Variants in EML1 observed in about 807,000 individuals in gnomAD.
EML1 encodes echinoderm microtubule-associated protein-like 1.
In EML1, 27 loss-of-function variants were observed where a neutral mutation model predicts 110.4. The ratio of observed to expected loss-of-function variants is 0.24; its 90% confidence interval spans 0.18 to 0.34. EML1 has a LOEUF of 0.34. EML1 is among the 10% of genes least tolerant of loss of function. EML1 has a pLI of 1.00. For synonymous variants in EML1, 344 were observed against 385.8 expected, an observed-to-expected ratio of 0.89 and a Z score of 1.27; for missense variants, 741 against 1,030.9, an observed-to-expected ratio of 0.72 and a Z score of 3.85.
chr14:99,931,228 A>C (rs2060361481), intron 17 of EML1, among the ~76,000 whole-genome samples: 1 of 152,226 alleles, frequency 6.6e-6, no homozygotes, highest in African/African-American at 2.4e-5. Context: ...CTACACCTGC[A>C]GACCATCTTC....
chr14:99,910,272 G>T lies in EML1; in HGVS notation c.1270G>T (p.Val424Leu). 1 of 1,613,136 alleles carries T rather than the reference G, an allele frequency of 6.2e-7. No individual in the cohort carries two copies. Among genetic ancestry groups the T allele is most frequent in the Non-Finnish European group, 8.5e-7 (1 of 1,179,628 alleles). Residue 424 changes from valine to leucine, a missense_variant, in exon 12 of 22, where the codon GTG (valine) becomes TTG (leucine). Val to Leu is a conservative substitution (Grantham distance 32). This residue lies in a region of EML1 where 388 missense variants were observed against 605.6 expected (regional missense o/e 0.64). Coordinates refer to ENST00000262233, the MANE Select transcript of EML1 (RefSeq NM_004434.3). ...AGAAAAGCCAAAGTTTGTCCTCTGT[G>T]TGACTTTCTCTGAAAACGGTGACAC... ...KQEKPKFVLC[V>L]TFSENGDTIT...
intron 1 of EML1, among the ~76,000 whole-genome samples, chr14:99,831,617 C>G (rs1014372866): frequency 2.6e-5 from 4 of 151,994 alleles, no homozygotes; most frequent in African/African-American, 9.7e-5. Context: ...ACTATTTTCT[C>G]TTTTTTTAAA....
intron 6 of EML1, among the ~76,000 whole-genome samples, chr14:99,895,398 C>T (rs919458749): frequency 2.0e-5 from 3 of 152,224 alleles, no homozygotes; most frequent in African/African-American, 7.2e-5. Flanking sequence ...CAGGAGCTAT[C>T]ATATACTTAG....
chr14:99,878,731 G>A, intron 4 of EML1, 112 bp downstream of exon 4: 1 of 1,440,906 alleles, frequency 6.9e-7, no homozygotes, highest in South Asian at 1.4e-5. Flanking sequence ...AGTACTCTTG[G>A]AGAAGAAGAC....
intron 1 of EML1, among the ~76,000 whole-genome samples, chr14:99,834,906 A>C (rs2058514562): frequency 6.6e-6 from 1 of 152,048 alleles, no homozygotes; most frequent in Non-Finnish European, 1.5e-5. Flanking sequence ...TGCAACCTCT[A>C]TCTCCCGGCT....
chr14:99,824,805 C>CT (rs2058325506), intron 1 of EML1, among the ~76,000 whole-genome samples: 1 of 152,104 alleles, frequency 6.6e-6, no homozygotes, highest in Non-Finnish European at 1.5e-5. Context: ...CCTCCAGTGT[C>CT]TATTATTCCA....
At chr14:99,892,407 T>C (rs1166756790) in intron 5 of EML1, among the ~76,000 whole-genome samples, 1 of 152,224 alleles carries the variant, frequency 6.6e-6, no homozygotes, top group African/African-American at 2.4e-5. Flanking sequence ...CCAATTGGTA[T>C]TGGCTGACTG....
At chr14:99,895,889 T>C (rs2059664013) in intron 6 of EML1, among the ~76,000 whole-genome samples, 1 of 151,824 alleles carries the variant, frequency 6.6e-6, no homozygotes, top group Non-Finnish European at 1.5e-5. Flanking sequence ...GTCTCAAAAA[T>C]ACATATATTC....
intron 16 of EML1, among the ~76,000 whole-genome samples, chr14:99,919,232 TCCCA>T (rs1595481387): frequency 6.6e-6 from 1 of 152,088 alleles, no homozygotes; most frequent in East Asian, 1.9e-4. Context: ...ATATTTTTCC[TCCCA>T]CCCTTCCTCT....
chr14:99,847,634 A>G (rs2058727938), intron 1 of EML1, among the ~76,000 whole-genome samples: 1 of 152,222 alleles, frequency 6.6e-6, no homozygotes, highest in Admixed American at 6.5e-5. Context: ...AGGAAAAATT[A>G]TAGAATTGTC....
At chr14:99,864,736 C>T (rs2059063078) in intron 2 of EML1, among the ~76,000 whole-genome samples, 1 of 150,586 alleles carries the variant, frequency 6.6e-6, no homozygotes, top group Non-Finnish European at 1.5e-5. Flanking sequence ...CGCTTGAACC[C>T]AGGAGACCGA....
At chr14:99,930,819 T>C (rs994849818) in intron 17 of EML1, among the ~76,000 whole-genome samples, 4 of 152,206 alleles carry the variant, frequency 2.6e-5, no homozygotes, top group African/African-American at 9.6e-5. Flanking sequence ...TTAGCCTGCC[T>C]GTTCTAGTTT....
intron 1 of EML1, among the ~76,000 whole-genome samples, chr14:99,750,215 C>G (rs8004746): frequency 0.91 from 138,002 of 152,270 alleles, 63,978 homozygotes; most frequent in East Asian, 1. Context: ...ATTCACGTTC[C>G]ATGCTGGAAT....
At chr14:99,885,230 G>A (rs2059453807) in intron 4 of EML1, among the ~76,000 whole-genome samples, 1 of 152,210 alleles carries the variant, frequency 6.6e-6, no homozygotes, top group South Asian at 2.1e-4. Flanking sequence ...GCATTGTTAG[G>A]TGTTTTCTCA....
intron 1 of EML1, among the ~76,000 whole-genome samples, chr14:99,830,842 C>T (rs1168499371): frequency 3.3e-5 from 5 of 152,282 alleles, no homozygotes; most frequent in African/African-American, 9.6e-5. Context: ...TGAGCCACTG[C>T]GCCCATTTTG....
At chr14:99,932,814 TAAATAAC>T (rs1360115265) in intron 17 of EML1, among the ~76,000 whole-genome samples, 4 of 151,906 alleles carry the variant, frequency 2.6e-5, no homozygotes, top group Non-Finnish European at 5.9e-5. Context: ...ACCTGTTTGT[TAAATAAC>T]AAATAGTTCC....
intron 1 of EML1, among the ~76,000 whole-genome samples, chr14:99,798,092 G>A (rs1227285659): frequency 6.6e-6 from 1 of 152,190 alleles, no homozygotes; most frequent in East Asian, 1.9e-4. Context: ...GTTCCTACAA[G>A]CAGTGAAAAA....
chr14:99,882,834 A>C (rs2059410011), intron 4 of EML1, among the ~76,000 whole-genome samples: 1 of 151,700 alleles, frequency 6.6e-6, no homozygotes, highest in Admixed American at 6.6e-5. Flanking sequence ...AAAAAAAAAA[A>C]ACCCACCTCA....
chr14:99,911,880 T>G (rs1478404381), intron 13 of EML1, among the ~76,000 whole-genome samples: 1 of 151,594 alleles, frequency 6.6e-6, no homozygotes, highest in Admixed American at 6.6e-5. Flanking sequence ...TTTTAACTTT[T>G]TCTTTTTCTT....
Sources: allele counts gnomAD v4.1 joint callset (sites outside exome capture counted in the v4.1 genomes callset), GRCh38; gene constraint gnomAD v4.1.1; regional missense constraint gnomAD v4.1.1; transcripts MANE v1.5; gene names NCBI Gene and HGNC (gene_info 2026-07-23, HGNC 2026-07-21).